Variants in KLHDC10 observed in about 807,000 individuals in gnomAD.
The protein encoded by KLHDC10 is kelch domain containing 10, also known as kelch domain-containing protein 10.
Under a neutral mutation model 56.1 loss-of-function variants are expected in KLHDC10, and 24 were observed. That is an observed-to-expected ratio of 0.43 (90% CI 0.31 to 0.60). The LOEUF (loss-of-function observed/expected upper bound fraction) is 0.60. Ranked by LOEUF, KLHDC10 falls within the 20% of genes least tolerant of loss-of-function variation. The pLI is 0.11. For synonymous variants in KLHDC10, 188 were observed against 207.1 expected (o/e 0.91, Z 0.79); for missense variants, 349 against 567.0 (o/e 0.62, Z 3.91).
intron 1 of KLHDC10, among the ~76,000 whole-genome samples, chr7:130,093,790 G>T (rs565321826): frequency 6.6e-6 from 1 of 152,194 alleles, no homozygotes; most frequent in South Asian, 2.1e-4. Context: ...AATAACCTCC[G>T]CAGAGTCAAC....
At position 130,089,476 on chromosome 7, in the gene KLHDC10, A is replaced by G. The variant is rs189259591; in HGVS notation, c.167-7445A>G. 4.2e-4 allele frequency among the ~76,000 whole-genome samples: 64 copies of G among 152,386 alleles called. 3 individuals carry two copies. The South Asian group carries it at 7.7e-3, about 18-fold the overall frequency. On this transcript the variant is annotated intron_variant, in intron 1 of 9. Coordinates refer to ENST00000335420, the MANE Select transcript of KLHDC10 (RefSeq NM_014997.4). ...AAAAGAGTATTTATAAGTGCTAAGC[A>G]TAGAGTAGATACTCAGTATATAAAG...
chr7:130,078,331 G>T (rs1318327215), intron 1 of KLHDC10, among the ~76,000 whole-genome samples: 1 of 151,374 alleles, frequency 6.6e-6, no homozygotes, highest in African/African-American at 2.4e-5. Flanking sequence ...CAAAGATTGC[G>T]CTATTGCACT....
intron 2 of KLHDC10, among the ~76,000 whole-genome samples, chr7:130,111,478 A>G (rs1308662461): frequency 2.0e-5 from 3 of 152,108 alleles, no homozygotes; most frequent in Admixed American, 2.0e-4. Flanking sequence ...CTGGGGCAGG[A>G]GGATCATTTG....
intron 1 of KLHDC10, among the ~76,000 whole-genome samples, chr7:130,087,829 C>T (rs966839809): frequency 3.3e-5 from 5 of 149,924 alleles, no homozygotes; most frequent in African/African-American, 7.4e-5. Context: ...GGTACAGTAT[C>T]GGCTCACTGC....
chr7:130,095,216 A>T (rs1458939558), intron 1 of KLHDC10, among the ~76,000 whole-genome samples: 2 of 151,812 alleles, frequency 1.3e-5, no homozygotes, highest in Non-Finnish European at 2.9e-5. Context: ...AAAAATATAT[A>T]TATACTTATA....
rs1796374908 is a variant in KLHDC10 at position 130,130,030 on chromosome 7, A to T, written c.1119+454A>T. On this transcript the variant is annotated intron_variant, in intron 9 of 9. Coordinates refer to ENST00000335420, the MANE Select transcript of KLHDC10 (RefSeq NM_014997.4). The surrounding 1 kb of genome is among the most constrained non-coding windows in gnomAD (Gnocchi z 4.2). ...TGTTGAAGTAAAAAAAAATTCATAT[A>T]TATAGGCCGGGCGCGGTGGCTCAGG... Among the ~76,000 whole-genome samples the T allele has an allele frequency of 6.6e-6, 1 of 152,048 alleles. No individual in the cohort carries two copies. The highest frequency in any genetic ancestry group is 2.1e-4 in the South Asian group (1 of 4,826).
rs10707873 is a variant in KLHDC10 at position 130,135,091 on chromosome 7, G to GAAAAA, written c.*4362_*4366dup. 11 of 127,904 alleles carry GAAAAA rather than the reference G, an allele frequency of 8.6e-5. No individual in the cohort carries two copies. The highest frequency in any genetic ancestry group is 1.1e-4 in the Non-Finnish European group (7 of 64,410). The allele number at this position is 127,904 out of a possible 1,614,324, so 7.9% of individuals were successfully genotyped here. ...GGTGTAATTTTCATGTTTTTAATTT[G>GAAAAA]AAAAAAAAAAAAAAAAAAAAACAAC... On this transcript the variant is annotated 3_prime_UTR_variant, in exon 10 of 10. Transcript: ENST00000335420.
intron 8 of KLHDC10, among the ~76,000 whole-genome samples, chr7:130,128,889 A>AAAAAATATATATAT: frequency 6.7e-4 from 45 of 66,936 alleles, no homozygotes; most frequent in African/African-American, 2.5e-3. Context: ...AAAAAAAAAA[A>AAAAAATATATATAT]ATATATATAT....
At chr7:130,109,003 C>T (rs1375624422) in intron 2 of KLHDC10, among the ~76,000 whole-genome samples, 1 of 152,084 alleles carries the variant, frequency 6.6e-6, no homozygotes, top group African/African-American at 2.4e-5. Context: ...CAGCCTCCGC[C>T]TCCGGGGTCT....
intron 1 of KLHDC10, among the ~76,000 whole-genome samples, chr7:130,077,381 AAC>A (rs1795525348): frequency 6.8e-6 from 1 of 146,776 alleles, no homozygotes; most frequent in Non-Finnish European, 1.5e-5. Flanking sequence ...AAAAAAAAAA[AAC>A]AGTATATGTA....
intron 8 of KLHDC10, among the ~76,000 whole-genome samples, chr7:130,128,889 A>AATATATATATATATATATATATAT (rs1554468213): frequency 4.5e-5 from 3 of 66,946 alleles, no homozygotes; most frequent in Non-Finnish European, 8.3e-5. Flanking sequence ...AAAAAAAAAA[A>AATATATATATATATATATATATAT]ATATATATAT....
intron 1 of KLHDC10, among the ~76,000 whole-genome samples, chr7:130,072,511 T>C (rs1795431759): frequency 6.6e-6 from 1 of 152,218 alleles, no homozygotes. Flanking sequence ...CCCTTTTCTC[T>C]TGACTGACAC....
At chr7:130,097,366 A>G (rs1795863158) in intron 2 of KLHDC10, among the ~76,000 whole-genome samples, 1 of 152,152 alleles carries the variant, frequency 6.6e-6, no homozygotes, top group Non-Finnish European at 1.5e-5. Flanking sequence ...AGGAAGAAAT[A>G]AAAGATTATG....
At chr7:130,077,381 A>AAAAAAAAC (rs1213533247) in intron 1 of KLHDC10, among the ~76,000 whole-genome samples, 1 of 146,776 alleles carries the variant, frequency 6.8e-6, no homozygotes, top group African/African-American at 2.5e-5. Context: ...AAAAAAAAAA[A>AAAAAAAAC]ACAGTATATG....
chr7:130,102,592 T>A (rs1474990915), intron 2 of KLHDC10, among the ~76,000 whole-genome samples: 2 of 152,018 alleles, frequency 1.3e-5, no homozygotes, highest in African/African-American at 4.8e-5. Context: ...GAGGCTGAGA[T>A]AGGTGAATCA....
In KLHDC10 at chr7:130,096,940, G is replaced by C; in HGVS notation, c.186G>C (p.Trp62Cys). ...TAACAGGTAAGAAGAAAATACGATG[G>C]GACCCAGTTAGGAGGCGCTTCATTC... ...PHLPGKKKIR[W>C]DPVRRRFIQS... The change falls in exon 2 of 10, where the codon TGG becomes TGC. Residue 62 changes from tryptophan (W) to cysteine (C), a missense_variant. Physicochemically the swap from Trp to Cys is radical, Grantham distance 215. This residue lies in a region of KLHDC10 where 104 missense variants were observed against 97.0 expected (regional missense o/e 1.07). Transcript: ENST00000335420. The C allele has an allele frequency of 6.2e-7, 1 of 1,610,790 alleles. No individual in the cohort carries two copies. Among genetic ancestry groups the C allele is most frequent in the Non-Finnish European group, 8.5e-7 (1 of 1,177,658 alleles).
rs1399770970 is a variant in KLHDC10, at chr7:130,134,168, C to T, written c.*3422C>T. On this transcript the variant is annotated 3_prime_UTR_variant, in exon 10 of 10. Transcript: ENST00000335420. Reference sequence around the variant, plus strand: ...AGATTCATTTACATTTCTTTTTCCTCCCTATCCTTTCCTGTAAGCACCTGT... The same window carrying T: ...AGATTCATTTACATTTCTTTTTCCTTCCTATCCTTTCCTGTAAGCACCTGT... The T allele has an allele frequency of 6.6e-6, 1 of 152,200 alleles. No individual in the cohort carries two copies. Among genetic ancestry groups the T allele is most frequent in the African/African-American group, 2.4e-5 (1 of 41,446 alleles). The allele number at this position is 152,200 out of a possible 1,614,324, so 9.4% of individuals were successfully genotyped here.
chr7:130,133,073 A>G lies in KLHDC10; in HGVS notation c.*2327A>G, dbSNP rs191631987. The stretch of plus-strand genomic sequence containing the variant: ...CTGTGTGTTTTATTTTCATAAAAGT[A>G]TATATCCTTGGTCTAAAGTGTCTTC... On this transcript the variant is annotated 3_prime_UTR_variant, in exon 10 of 10. Transcript: ENST00000335420. 14 of 152,358 alleles carry G rather than the reference A, an allele frequency of 9.2e-5. No individual in the cohort carries two copies. The highest frequency in any genetic ancestry group is 3.4e-4 in the African/African-American group (14 of 41,582). The allele number at this position is 152,358 out of a possible 1,614,324, so 9.4% of individuals were successfully genotyped here.
intron 2 of KLHDC10, among the ~76,000 whole-genome samples, chr7:130,115,574 G>A (rs1343360697): frequency 1.3e-5 from 2 of 151,856 alleles, no homozygotes; most frequent in African/African-American, 4.8e-5. Flanking sequence ...AATTAGCCAG[G>A]CATGGTGGCG....
Sources: allele counts gnomAD v4.1 joint callset (sites outside exome capture counted in the v4.1 genomes callset), GRCh38; gene constraint gnomAD v4.1.1; regional missense constraint gnomAD v4.1.1; non-coding constraint Gnocchi (gnomAD v3.1); transcripts MANE v1.5; gene names NCBI Gene and HGNC (gene_info 2026-07-23, HGNC 2026-07-21).